Variants in KIAA1958 observed in about 807,000 individuals in gnomAD.
The protein encoded by KIAA1958 is KIAA1958.
KIAA1958 carries 14 observed loss-of-function variants against 47.2 expected under a neutral mutation model. The ratio of observed to expected loss-of-function variants is 0.30; its 90% CI spans 0.20 to 0.46. The LOEUF (loss-of-function observed/expected upper bound fraction) is 0.46, where lower values mean the gene tolerates loss of function less well. Among genes scored for constraint, KIAA1958 ranks in the 20% least tolerant of loss-of-function variants. KIAA1958 has a pLI of 1.00. For missense variants in KIAA1958, 803 were observed against 909.2 expected (o/e 0.88, Z 1.50); for synonymous variants, 354 against 353.3 (o/e 1.00, Z -0.02).
chr9:112,651,396 TA>T (rs1318346428), intron 3 of KIAA1958, among the ~76,000 whole-genome samples: 6 of 111,488 alleles, frequency 5.4e-5, no homozygotes, highest in South Asian at 2.7e-4. Flanking sequence ...TATATATACA[TA>T]TTTTTTTTTT....
chr9:112,495,250 ACAGTTCTCATCTTTTTTT>A (rs1225508823), intron 1 of KIAA1958, among the ~76,000 whole-genome samples: 2 of 152,108 alleles, frequency 1.3e-5, no homozygotes, highest in African/African-American at 4.8e-5. Context: ...GAAATATGTT[ACAGTTCTCATCTTTTTTT>A]CTTACTGTGC....
At chr9:112,487,956 T>TGTGC (rs72350743) in intron 1 of KIAA1958, among the ~76,000 whole-genome samples, 6 of 151,172 alleles carry the variant, frequency 4.0e-5, no homozygotes, top group African/African-American at 1.5e-4. Context: ...CGTGTGTGTG[T>TGTGC]GTGTGTGTGT....
intron 2 of KIAA1958, among the ~76,000 whole-genome samples, chr9:112,610,559 T>G (rs1836310131): frequency 6.6e-6 from 1 of 152,144 alleles, no homozygotes. Context: ...AGACATTACT[T>G]TATACAACTC....
chr9:112,610,428 A>T (rs1451812394), intron 2 of KIAA1958, among the ~76,000 whole-genome samples: 1 of 152,040 alleles, frequency 6.6e-6, no homozygotes, highest in African/African-American at 2.4e-5. Flanking sequence ...CGAATAAAGT[A>T]AACTGGTAGA....
rs2131254935 is a variant in KIAA1958 at position 112,659,642 on chromosome 9, A to G, written c.1724A>G (p.His575Arg). ...CTGAACATGCGGACGCTGCAGGAGCATGCGGATCTGATGTATGGTGACATC... is the reference window on the plus strand; with the variant it reads ...CTGAACATGCGGACGCTGCAGGAGCGTGCGGATCTGATGTATGGTGACATC... The part of the protein sequence containing the change: ...QYLNMRTLQE[H>R]ADLMYGDIEL... The change falls in exon 4 of 4, where the codon CAT (histidine) becomes CGT (arginine). Residue 575 changes from histidine (H) to arginine (R), a missense_variant. By Grantham distance (29) the His-to-Arg change is conservative. Transcript: ENST00000337530. The G allele has an allele frequency of 6.2e-7, 1 of 1,614,226 alleles. No individual in the cohort carries two copies. Among genetic ancestry groups the G allele is most frequent in the Non-Finnish European group, 8.5e-7 (1 of 1,180,044 alleles).
In KIAA1958 at chr9:112,618,436, C is replaced by G; in HGVS notation, c.1172-27214C>G. ...GGCTCCGGGTAACAGAGACGGGTCT[C>G]GAGTACTTGGAGTGGATGGGTCAGG... On this transcript the variant is annotated intron_variant, in intron 2 of 3. Transcript: ENST00000337530. The surrounding 1 kb of genome is among the most constrained non-coding windows in gnomAD (Gnocchi z 7.1). 3 of 1,551,154 alleles carry G rather than the reference C, an allele frequency of 1.9e-6. No individual in the cohort carries two copies. Among genetic ancestry groups the G allele is most frequent in the South Asian group, 1.2e-5 (1 of 84,060 alleles).
At chr9:112,496,061 T>G (rs1834047102) in intron 1 of KIAA1958, among the ~76,000 whole-genome samples, 1 of 152,138 alleles carries the variant, frequency 6.6e-6, no homozygotes, top group Non-Finnish European at 1.5e-5. Context: ...TGTGAACAAG[T>G]CCAGGTAAAG....
chr9:112,494,281 T>A (rs1476121897), intron 1 of KIAA1958, among the ~76,000 whole-genome samples: 2 of 152,190 alleles, frequency 1.3e-5, no homozygotes, highest in African/African-American at 4.8e-5. Flanking sequence ...TTTTTTCATA[T>A]TTTCATCAAT....
chr9:112,548,858 A>G (rs2132835342), intron 1 of KIAA1958, among the ~76,000 whole-genome samples: 1 of 152,306 alleles, frequency 6.6e-6, no homozygotes. Context: ...GATCAATATG[A>G]CCGGTGTCCT....
At chr9:112,552,953 G>A (rs989727967) in intron 1 of KIAA1958, among the ~76,000 whole-genome samples, 2 of 152,016 alleles carry the variant, frequency 1.3e-5, no homozygotes, top group Admixed American at 6.6e-5. Context: ...CACTGAGCCT[G>A]GTGCGCGCAC....
intron 2 of KIAA1958, among the ~76,000 whole-genome samples, chr9:112,623,888 C>A (rs1262467524): frequency 8.5e-5 from 13 of 152,146 alleles, no homozygotes; most frequent in Admixed American, 7.9e-4. Context: ...TGAACCTATT[C>A]AGATTTTTTC....
rs908725306 is a variant in KIAA1958, at chr9:112,668,315, C to CA, written c.*8252dup. On this transcript the variant is annotated 3_prime_UTR_variant, in exon 4 of 4. Coordinates refer to ENST00000337530, the MANE Select transcript of KIAA1958 (RefSeq NM_133465.4). ...CAAAAAGCAATCAGGAAAAAACAAA[C>CA]AAAAAACTTGTTTTAGAATACAAAT... The CA allele has an allele frequency of 2.0e-5, 3 of 152,082 alleles. No individual in the cohort carries two copies. The highest frequency in any genetic ancestry group is 4.4e-5 in the Non-Finnish European group (3 of 68,008). The allele number at this position is 152,082 out of a possible 1,614,324, so 9.4% of individuals were successfully genotyped here. A position where few individuals can be genotyped will look rare whatever the true frequency, so the allele number is the denominator to read the frequency against.
chr9:112,577,723 A>G (rs1356773736), intron 2 of KIAA1958, among the ~76,000 whole-genome samples: 5 of 151,860 alleles, frequency 3.3e-5, no homozygotes, highest in Admixed American at 3.3e-4. Flanking sequence ...TTGCTAAACC[A>G]TATATGAATA....
At chr9:112,584,175 A>G (rs1835784134) in intron 2 of KIAA1958, among the ~76,000 whole-genome samples, 2 of 152,322 alleles carry the variant, frequency 1.3e-5, no homozygotes, top group African/African-American at 2.4e-5. Flanking sequence ...TTCATATCCC[A>G]GCCCTGCCCC....
intron 2 of KIAA1958, among the ~76,000 whole-genome samples, chr9:112,615,929 A>C (rs1343527356): frequency 2.6e-5 from 4 of 152,248 alleles, no homozygotes; most frequent in Non-Finnish European, 4.4e-5. Context: ...TGAAAGTTGG[A>C]AACCTGGAAA....
Position 112,632,117 on chromosome 9 carries a change from C to CT in KIAA1958, c.1172-13530dup, listed in dbSNP as rs529103566. Among the ~76,000 whole-genome samples, 6 of 152,152 alleles carry CT rather than the reference C, an allele frequency of 3.9e-5. No individual in the cohort carries two copies. In the East Asian group the frequency reaches 5.8e-4, roughly 15 times the overall value. On this transcript the variant is annotated intron_variant, in intron 2 of 3. Transcript: ENST00000337530. ...AATATAATATGTTCATGTTGCAAAA[C>CT]TTTAAGTCCCATGGAGCTAATCACT...
chr9:112,648,642 C>A (rs1837014116), intron 3 of KIAA1958, among the ~76,000 whole-genome samples: 1 of 152,196 alleles, frequency 6.6e-6, no homozygotes, highest in African/African-American at 2.4e-5. Flanking sequence ...TAGCCCTAGA[C>A]AGAGCACTGC....
chr9:112,521,123 G>A (rs144694366), intron 1 of KIAA1958, among the ~76,000 whole-genome samples: 41 of 152,070 alleles, frequency 2.7e-4, no homozygotes, highest in Non-Finnish European at 4.6e-4. Context: ...AAGACAATCC[G>A]TCTTCCTGGG....
chr9:112,542,876 A>C (rs1191117542), intron 1 of KIAA1958, among the ~76,000 whole-genome samples: 1 of 152,240 alleles, frequency 6.6e-6, no homozygotes, highest in Non-Finnish European at 1.5e-5. Context: ...TTTAAGGACC[A>C]CAGGTGCTCA....
Sources: allele counts gnomAD v4.1 joint callset (sites outside exome capture counted in the v4.1 genomes callset), GRCh38; gene constraint gnomAD v4.1.1; non-coding constraint Gnocchi (gnomAD v3.1); transcripts MANE v1.5; gene names NCBI Gene and HGNC (gene_info 2026-07-23, HGNC 2026-07-21).